SLC6A4: variants seen among roughly 807,000 people sequenced by gnomAD.
SLC6A4 encodes the protein sodium-dependent serotonin transporter.
Under a neutral mutation model 73.4 loss-of-function variants are expected in SLC6A4, and 22 were observed. That is an observed-to-expected ratio of 0.30 (90% CI 0.21 to 0.43). SLC6A4 has a LOEUF of 0.43. SLC6A4 is among the 20% of genes least tolerant of loss of function. SLC6A4 has a pLI of 1.00. For missense variants in SLC6A4, 593 were observed against 808.5 expected (o/e 0.73, Z 3.23); for synonymous variants, 270 against 315.5 (o/e 0.86, Z 1.53).
intron 11 of SLC6A4, among the ~76,000 whole-genome samples, chr17:30,209,695 T>C (rs1906323631): frequency 6.6e-6 from 1 of 152,120 alleles, no homozygotes; most frequent in South Asian, 2.1e-4. Context: ...GACTGGCCTT[T>C]GCAGTGGCAG....
Position 30,211,259 on chromosome 17 carries a change from C to A in SLC6A4, c.1317+53G>T. 1 of 1,216,822 alleles carries A rather than the reference C, an allele frequency of 8.2e-7. No individual in the cohort carries two copies. 75.4% of individuals were successfully genotyped at this position (1,216,822 alleles called of 1,614,324 possible). On this transcript the variant is annotated intron_variant, in intron 10 of 14. Coordinates refer to ENST00000650711, the MANE Select transcript of SLC6A4 (RefSeq NM_001045.6). This position sits in a 1 kb window ranked among gnomAD's most constrained non-coding sequence, Gnocchi z 4.0. ...AGGGAATTGAGTCCAGCTGAGTCCT[C>A]CTCCTTTCCTCTTCATCCTCCCACA...
In SLC6A4 at chr17:30,222,058, G is replaced by A. The variant is rs200276044; in HGVS notation, c.-100C>T. 44 of 1,586,318 alleles carry A rather than the reference G, an allele frequency of 2.8e-5. No individual in the cohort carries two copies. The East Asian group carries it at 5.3e-4, about 19-fold the overall frequency. ...GATCACCTCCGAGCTCTCTATCGTC[G>A]GGATTGACACGTCGGGATTGACTCT... On this transcript the variant is annotated 5_prime_UTR_variant, in exon 3 of 15. Transcript: ENST00000650711.
intron 1 of SLC6A4, among the ~76,000 whole-genome samples, chr17:30,223,791 G>C (rs987264550): frequency 6.6e-6 from 1 of 151,998 alleles, no homozygotes; most frequent in African/African-American, 2.4e-5. Flanking sequence ...ATTCTGACAA[G>C]AGCGGTCTCC....
At chr17:30,201,964 C>A (rs1906049150) in intron 14 of SLC6A4, among the ~76,000 whole-genome samples, 1 of 151,922 alleles carries the variant, frequency 6.6e-6, no homozygotes, top group Non-Finnish European at 1.5e-5. Flanking sequence ...TTTAGCCAGG[C>A]GCTTGTAGTC....
chr17:30,220,844 T>G (rs1906722951), intron 3 of SLC6A4, among the ~76,000 whole-genome samples: 1 of 152,058 alleles, frequency 6.6e-6, no homozygotes, highest in South Asian at 2.1e-4. Context: ...AAGGAGGCCC[T>G]TCAATAAATG....
chr17:30,235,486 G>C lies in SLC6A4; in HGVS notation c.-221+127C>G, dbSNP rs1039043240. The C allele has an allele frequency of 9.2e-5, 14 of 152,276 alleles. No individual in the cohort carries two copies. The highest frequency in any genetic ancestry group is 3.1e-4 in the African/African-American group (13 of 41,470). 9.4% of individuals were successfully genotyped at this position (152,276 alleles called of 1,614,324 possible). A position where few individuals can be genotyped will look rare whatever the true frequency, so the allele number is the denominator to read the frequency against. ...GGGCAGGATCCGGCGCCCACCGCTG[G>C]GGCGCATGCACCTCCTCGCCTCCTC... On this transcript the variant is annotated intron_variant, in intron 1 of 14. Transcript: ENST00000650711. This position sits in a 1 kb window ranked among gnomAD's most constrained non-coding sequence, Gnocchi z 4.5.
intron 10 of SLC6A4, 94 bp from the exon 11 acceptor site, chr17:30,210,740 G>A (rs1906360998): frequency 7.2e-7 from 1 of 1,392,252 alleles, no homozygotes. Context: ...AGGTTGCTAA[G>A]TGACTGGTCA....
At position 30,206,712 on chromosome 17, in the gene SLC6A4, C is replaced by CTTTTCTTTTTTTT. The variant is rs61636654; in HGVS notation, c.1650+1019_1650+1020insAAAAAAAAGAAAA. Among the ~76,000 whole-genome samples, 23 of 80,294 alleles carry CTTTTCTTTTTTTT rather than the reference C, an allele frequency of 2.9e-4. 1 individual carries two copies. Among genetic ancestry groups the CTTTTCTTTTTTTT allele is most frequent in the African/African-American group, 5.8e-4 (11 of 19,080 alleles). 52.7% of individuals were successfully genotyped at this position (80,294 alleles called of 152,430 possible). A position where few individuals can be genotyped will look rare whatever the true frequency, so the allele number is the denominator to read the frequency against. On this transcript the variant is annotated intron_variant, in intron 13 of 14. Transcript: ENST00000650711. ...TCAATCTCCTTTTTTCTTTTCTTTT[C>CTTTTCTTTTTTTT]TTTTTTTTTTTTTTTTTTTTTTTTG...
intron 5 of SLC6A4, among the ~76,000 whole-genome samples, chr17:30,217,890 G>A (rs1198338069): frequency 6.6e-6 from 1 of 152,216 alleles, no homozygotes; most frequent in Non-Finnish European, 1.5e-5. Flanking sequence ...GCGCATTGGA[G>A]CAAACTGACT....
At chr17:30,220,039 C>A (rs1305593041) in intron 3 of SLC6A4, among the ~76,000 whole-genome samples, 1 of 152,184 alleles carries the variant, frequency 6.6e-6, no homozygotes, top group Non-Finnish European at 1.5e-5. Flanking sequence ...AAGGTGAGTC[C>A]TCTGGAGCAG....
intron 13 of SLC6A4, chr17:30,204,618 C>T (rs919266458): frequency 6.6e-6 from 1 of 152,214 alleles, no homozygotes; most frequent in African/African-American, 2.4e-5. Flanking sequence ...CTCACACATC[C>T]TGGCCTCTAC....
chr17:30,198,635 A>G (rs994064185), intron 14 of SLC6A4, 105 bp from the exon 15 acceptor site: 3 of 648,058 alleles, frequency 4.6e-6, no homozygotes, highest in African/African-American at 3.7e-5. Context: ...CACTTTAATA[A>G]CATCTAAGAG....
chr17:30,220,500 C>T (rs56316244), intron 3 of SLC6A4, among the ~76,000 whole-genome samples: 2 of 152,194 alleles, frequency 1.3e-5, no homozygotes, highest in Admixed American at 1.3e-4. Flanking sequence ...AAAAATCTAA[C>T]ATCCCAGGAG....
chr17:30,219,939 CAA>C (rs2143015287), intron 3 of SLC6A4, among the ~76,000 whole-genome samples: 1 of 152,314 alleles, frequency 6.6e-6, no homozygotes, highest in East Asian at 1.9e-4. Context: ...GGCCTTCCTC[CAA>C]AGAGTTTGCT....
chr17:30,221,546 G>T, intron 3 of SLC6A4, 70 bp downstream of exon 3: 1 of 1,334,376 alleles, frequency 7.5e-7, no homozygotes, highest in Non-Finnish European at 1.0e-6. Flanking sequence ...AGCCCACCCC[G>T]GGTCACAGCC....
Position 30,218,267 on chromosome 17 carries a change from C to A in SLC6A4, c.549G>T (p.Ala183=). ...ASYYNTIMAW[A]LYYLISSFTD... is the part of the protein sequence containing the mutation. Reference sequence around the variant, plus strand: ...TGAAGGAGGAGATGAGGTAGTATAGCGCCCAGGCCATGATGGTGTTGTAGT... The same window carrying A: ...TGAAGGAGGAGATGAGGTAGTATAGAGCCCAGGCCATGATGGTGTTGTAGT... Residue 183 remains alanine, a synonymous_variant, in exon 5 of 15, where the codon GCG becomes GCT. Coordinates refer to ENST00000650711, the MANE Select transcript of SLC6A4 (RefSeq NM_001045.6). 1 of 1,614,180 alleles carries A rather than the reference C, an allele frequency of 6.2e-7. No individual in the cohort carries two copies. The highest frequency in any genetic ancestry group is 8.5e-7 in the Non-Finnish European group (1 of 1,180,020).
chr17:30,202,723 G>A (rs1906076121), intron 14 of SLC6A4, among the ~76,000 whole-genome samples: 2 of 152,144 alleles, frequency 1.3e-5, no homozygotes, highest in South Asian at 4.1e-4. Context: ...TGATACTGTT[G>A]CAACATCCTT....
At chr17:30,230,123 G>T (rs1907062292) in intron 1 of SLC6A4, among the ~76,000 whole-genome samples, 2 of 109,834 alleles carry the variant, frequency 1.8e-5, no homozygotes, top group African/African-American at 4.8e-5. Context: ...GGAAGAGGAA[G>T]AGGAGGAGGA....
At chr17:30,224,603 C>G (rs1428271124) in intron 1 of SLC6A4, among the ~76,000 whole-genome samples, 1 of 152,168 alleles carries the variant, frequency 6.6e-6, no homozygotes, top group Non-Finnish European at 1.5e-5. Flanking sequence ...AATTGCATCA[C>G]CCAAGCGTTC....
Sources: allele counts gnomAD v4.1 joint callset (sites outside exome capture counted in the v4.1 genomes callset), GRCh38; gene constraint gnomAD v4.1.1; non-coding constraint Gnocchi (gnomAD v3.1); transcripts MANE v1.5; gene names NCBI Gene and HGNC (gene_info 2026-07-23, HGNC 2026-07-21).